NRCAM: variants seen among roughly 807,000 people sequenced by gnomAD.
NRCAM encodes neuronal cell adhesion molecule.
In NRCAM, 83 loss-of-function variants were observed where a neutral mutation model predicts 156.5. That is an observed-to-expected ratio of 0.53 (90% CI 0.44 to 0.64). The LOEUF is 0.64. Among genes scored for constraint, NRCAM ranks in the 30% least tolerant of loss-of-function variants. The pLI is 0.00. For missense variants in NRCAM, 1,417 were observed against 1,597.3 expected, an observed-to-expected ratio of 0.89 and a Z score of 1.92; for synonymous variants, 538 against 563.9, an observed-to-expected ratio of 0.95 and a Z score of 0.65.
At chr7:108,183,375 C>T (rs1046751315) in intron 22 of NRCAM, among the ~76,000 whole-genome samples, 3 of 147,588 alleles carry the variant, frequency 2.0e-5, no homozygotes, top group African/African-American at 7.4e-5. Flanking sequence ...TAAGTATGTA[C>T]ATATATGTAT....
Position 108,148,383 on chromosome 7 carries a change from ATATC to A in NRCAM, c.*1523_*1526del, listed in dbSNP as rs1416506410. ...TAAGTGTATTTACAAATTCAACAAAATATCTACATATAAAAAGCTTTACTTAAAA... is the reference window on the plus strand; with the variant it reads ...TAAGTGTATTTACAAATTCAACAAAATACATATAAAAAGCTTTACTTAAAA... On this transcript the variant is annotated 3_prime_UTR_variant, in exon 33 of 33. Coordinates refer to ENST00000379028, the MANE Select transcript of NRCAM (RefSeq NM_001037132.4). The A allele has an allele frequency of 2.6e-5, 4 of 152,788 alleles. No individual in the cohort carries two copies. Among genetic ancestry groups the A allele is most frequent in the African/African-American group, 9.6e-5 (4 of 41,578 alleles). The allele number at this position is 152,788 out of a possible 1,614,324, so 9.5% of individuals were successfully genotyped here.
chr7:108,367,797 T>C (rs778186627), intron 2 of NRCAM, among the ~76,000 whole-genome samples: 3 of 152,214 alleles, frequency 2.0e-5, no homozygotes, highest in Non-Finnish European at 4.4e-5. Context: ...GTCATATAAA[T>C]AGTCATTTCT....
At chr7:108,320,289 GAAAAAT>G (rs1319114538) in intron 2 of NRCAM, among the ~76,000 whole-genome samples, 1 of 151,830 alleles carries the variant, frequency 6.6e-6, no homozygotes, top group Non-Finnish European at 1.5e-5. Flanking sequence ...CTGTCTCTGT[GAAAAAT>G]AAAAATAAAA....
chr7:108,447,259 CTTTTTTTTTTTTTTT>C (rs34273772), intron 1 of NRCAM, among the ~76,000 whole-genome samples: 3 of 84,240 alleles, frequency 3.6e-5, no homozygotes, highest in South Asian at 4.8e-4. Context: ...TCACTTCTTT[CTTTTTTTTTTTTTTT>C]TTTTTTTTTT....
Position 108,231,115 on chromosome 7 carries a change from T to A in NRCAM, c.466A>T (p.Thr156Ser). 1 of 1,606,784 alleles carries A rather than the reference T, an allele frequency of 6.2e-7. No individual in the cohort carries two copies. The highest frequency in any genetic ancestry group is 1.7e-4 in the Middle Eastern group (1 of 6,032). Residue 156 changes from threonine to serine, a missense_variant, in exon 8 of 33, where the codon ACA becomes TCA. Around this residue, in one of 2 missense-constraint regions of NRCAM, gnomAD observed 1,238 missense variants for 1,336.4 expected, o/e 0.93. Coordinates refer to ENST00000379028, the MANE Select transcript of NRCAM (RefSeq NM_001037132.4). The part of the protein sequence containing the change: ...LWTKEKLEPI[T>S]LQSGQSLVLP... ...ACTAAAGACTGACCACTTTGAAGTGTGATTGGTTCAAGTTTTTCTTTGGTC... is the reference window on the plus strand; with the variant it reads ...ACTAAAGACTGACCACTTTGAAGTGAGATTGGTTCAAGTTTTTCTTTGGTC...
intron 2 of NRCAM, among the ~76,000 whole-genome samples, chr7:108,333,173 A>C (rs2099144478): frequency 6.6e-6 from 1 of 152,230 alleles, no homozygotes; most frequent in South Asian, 2.1e-4. Context: ...GGAAGTTTCC[A>C]TTGCTATAGC....
chr7:108,405,005 G>A lies in NRCAM; in HGVS notation c.-331-5412C>T, dbSNP rs1978197. On this transcript the variant is annotated intron_variant, in intron 1 of 32. Transcript: ENST00000379028. ...AAGAAGGAAATGTGATTTTTTCCTC[G>A]TCCCCTCCGCTATGACTATGGATGT... Among the ~76,000 whole-genome samples, 824 of 152,218 alleles carry A rather than the reference G, an allele frequency of 5.4e-3. 5 individuals carry two copies. Among genetic ancestry groups the A allele is most frequent in the African/African-American group, 0.011 (460 of 41,552 alleles).
intron 2 of NRCAM, among the ~76,000 whole-genome samples, chr7:108,392,969 T>C (rs915038952): frequency 3.3e-5 from 5 of 152,152 alleles, no homozygotes; most frequent in African/African-American, 4.8e-5. Context: ...GGTGTCAGTC[T>C]GCCCCTACTT....
chr7:108,176,493 C>T lies in NRCAM; in HGVS notation c.3088G>A (p.Ala1030Thr), dbSNP rs2060551212. Residue 1030 changes from alanine to threonine, a missense_variant, in exon 27 of 33, where the codon GCA becomes ACA. Ala to Thr is a moderately conservative substitution (Grantham distance 58). Coordinates refer to ENST00000379028, the MANE Select transcript of NRCAM (RefSeq NM_001037132.4). ...FSTRYKFYFY[A>T]QTSAGSGSQI... is the part of the protein sequence containing the mutation. ...CTTCCTGATCCTGCTGATGTTTGTG[C>T]ATAGAAATAAAACTTATATCGAGTG... 1.2e-6 allele frequency: 2 copies of T among 1,613,482 alleles called. No individual in the cohort carries two copies. Among genetic ancestry groups the T allele is most frequent in the Non-Finnish European group, 1.7e-6 (2 of 1,179,820 alleles).
chr7:108,190,073 T>A (rs2070175863), intron 19 of NRCAM, among the ~76,000 whole-genome samples: 1 of 152,014 alleles, frequency 6.6e-6, no homozygotes, highest in African/African-American at 2.4e-5. Context: ...ACATGAAAAA[T>A]AATAAGCTTA....
intron 1 of NRCAM, among the ~76,000 whole-genome samples, chr7:108,452,427 C>CAA (rs1170245093): frequency 6.6e-6 from 1 of 152,084 alleles, no homozygotes; most frequent in Non-Finnish European, 1.5e-5. Flanking sequence ...GAAGAAACTT[C>CAA]AGCCTTTGAT....
At chr7:108,313,691 T>C (rs370590544) in intron 2 of NRCAM, among the ~76,000 whole-genome samples, 4 of 152,236 alleles carry the variant, frequency 2.6e-5, no homozygotes, top group African/African-American at 9.6e-5. Flanking sequence ...TAGATTTTCA[T>C]TGCATGTGAA....
At chr7:108,211,453 T>C (rs2084345512) in intron 11 of NRCAM, among the ~76,000 whole-genome samples, 1 of 152,180 alleles carries the variant, frequency 6.6e-6, no homozygotes, top group Non-Finnish European at 1.5e-5. Flanking sequence ...CTAAGCCCTT[T>C]TCTTTTGCCG....
intron 2 of NRCAM, among the ~76,000 whole-genome samples, chr7:108,385,771 T>C (rs2099738621): frequency 6.6e-6 from 1 of 152,132 alleles, no homozygotes; most frequent in South Asian, 2.1e-4. Context: ...AAATTGCGTA[T>C]TTGAATGGAA....
At chr7:108,438,536 C>T (rs1479359839) in intron 1 of NRCAM, among the ~76,000 whole-genome samples, 1 of 152,110 alleles carries the variant, frequency 6.6e-6, no homozygotes, top group African/African-American at 2.4e-5. Context: ...AAAAAATCTA[C>T]AGTTAACATA....
chr7:108,434,541 TACACACACACACAC>T (rs141756969), intron 1 of NRCAM, among the ~76,000 whole-genome samples: 18 of 141,238 alleles, frequency 1.3e-4, no homozygotes, highest in African/African-American at 3.4e-4. Context: ...CAATGGAATG[TACACACACACACAC>T]ACACACACAC....
chr7:108,208,302 C>A (rs1271831573), intron 12 of NRCAM, among the ~76,000 whole-genome samples: 1 of 151,894 alleles, frequency 6.6e-6, no homozygotes, highest in African/African-American at 2.4e-5. Flanking sequence ...GAGACTCCAA[C>A]TCAAAATAAT....
At chr7:108,203,803 G>A (rs551327828) in intron 13 of NRCAM, among the ~76,000 whole-genome samples, 2 of 152,174 alleles carry the variant, frequency 1.3e-5, no homozygotes, top group Admixed American at 6.5e-5. Context: ...TGCCTCACCC[G>A]CAGCAGCTGG....
At chr7:108,218,338 C>T (rs113687503) in intron 11 of NRCAM, among the ~76,000 whole-genome samples, 1,822 of 152,266 alleles carry the variant, frequency 0.012, 43 homozygotes, top group African/African-American at 0.042. Context: ...CCTTCTGCAT[C>T]GATCTTGCTG....
Sources: gnomAD v4.1 joint callset for allele counts (sites outside exome capture counted in the v4.1 genomes callset) on GRCh38, gnomAD v4.1.1 for gene constraint, gnomAD v4.1.1 regional missense constraint, MANE v1.5 for transcripts, NCBI Gene and HGNC (gene_info 2026-07-23, HGNC 2026-07-21) for gene names.